MACROD2: variants seen among roughly 807,000 people sequenced by gnomAD.
The protein encoded by MACROD2 is ADP-ribose glycohydrolase MACROD2.
In MACROD2, 36 loss-of-function variants were observed where a neutral mutation model predicts 70.4. The ratio of observed to expected loss-of-function variants is 0.51; its 90% CI spans 0.39 to 0.68. The LOEUF (loss-of-function observed/expected upper bound fraction) is 0.68, where lower values mean the gene tolerates loss of function less well. Ranked by LOEUF, MACROD2 falls within the 30% of genes least tolerant of loss-of-function variation. The pLI is 0.00. For missense variants in MACROD2, 496 were observed against 538.4 expected (o/e 0.92, Z 0.78); for synonymous variants, 172 against 178.8 (o/e 0.96, Z 0.30).
chr20:14,826,993 TG>T (rs1381036426), intron 5 of MACROD2, among the ~76,000 whole-genome samples: 1 of 152,216 alleles, frequency 6.6e-6, no homozygotes, highest in East Asian at 1.9e-4. Context: ...TAAAATAGTA[TG>T]AGAGCTCGGA....
At chr20:14,805,160 T>C (rs1423026730) in intron 5 of MACROD2, among the ~76,000 whole-genome samples, 1 of 151,960 alleles carries the variant, frequency 6.6e-6, no homozygotes, top group East Asian at 1.9e-4. Context: ...CCCAAGAAAA[T>C]CCTACCTCCT....
At chr20:15,474,003 C>T (rs2046991279) in intron 7 of MACROD2, among the ~76,000 whole-genome samples, 1 of 152,198 alleles carries the variant, frequency 6.6e-6, no homozygotes, top group South Asian at 2.1e-4. Context: ...CCTGTTAGCT[C>T]TGTGAGTCTA....
chr20:14,567,176 T>C (rs2123308677), intron 4 of MACROD2, among the ~76,000 whole-genome samples: 1 of 152,130 alleles, frequency 6.6e-6, no homozygotes, highest in Non-Finnish European at 1.5e-5. Context: ...AAAGCATTAG[T>C]ACATAAATAT....
At chr20:14,766,352 G>A (rs917965507) in intron 5 of MACROD2, among the ~76,000 whole-genome samples, 6 of 152,038 alleles carry the variant, frequency 3.9e-5, no homozygotes, top group Non-Finnish European at 8.8e-5. Context: ...CTGGCACACG[G>A]TTTTGACTAT....
rs549968378 is a variant in MACROD2, at chr20:14,002,984, A to T, written c.163+580A>T. Among the ~76,000 whole-genome samples the T allele has an allele frequency of 2.6e-5, 4 of 152,358 alleles. No individual in the cohort carries two copies. In the South Asian group the frequency reaches 8.3e-4, roughly 32 times the overall value. On this transcript the variant is annotated intron_variant, in intron 2 of 17. Coordinates refer to ENST00000684519, the MANE Select transcript of MACROD2 (RefSeq NM_001351661.2). ...ATAAAGGAAGTTTTAAGGATTAAAA[A>T]GGTACGTGAAAAAGTTTCTAAAAAC...
intron 7 of MACROD2, among the ~76,000 whole-genome samples, chr20:15,435,902 C>A (rs118005359): frequency 0.016 from 2,368 of 152,226 alleles, 29 homozygotes; most frequent in South Asian, 0.032. Flanking sequence ...TGTCACCAGG[C>A]AAGTTTAGTC....
At chr20:15,389,268 G>C (rs1468517272) in intron 6 of MACROD2, among the ~76,000 whole-genome samples, 1 of 152,188 alleles carries the variant, frequency 6.6e-6, no homozygotes, top group East Asian at 1.9e-4. Flanking sequence ...TACTGAAGAA[G>C]AGAGAGAGGG....
At chr20:15,300,894 G>C (rs1429200396) in intron 6 of MACROD2, among the ~76,000 whole-genome samples, 1 of 152,178 alleles carries the variant, frequency 6.6e-6, no homozygotes, top group Non-Finnish European at 1.5e-5. Flanking sequence ...AGACCCGGAT[G>C]GAATGGGCTG....
At position 15,877,800 on chromosome 20, in the gene MACROD2, G is replaced by T. The variant is rs550138139; in HGVS notation, c.728-7964G>T. On this transcript the variant is annotated intron_variant, in intron 9 of 17. Coordinates refer to ENST00000684519, the MANE Select transcript of MACROD2 (RefSeq NM_001351661.2). The stretch of plus-strand genomic sequence containing the variant: ...ATGAGGAGTGCACAAGAAGCCTGTG[G>T]TAAGAAATTAAGCTCTAAGGAAGAG... Among the ~76,000 whole-genome samples the T allele has an allele frequency of 9.7e-4, 148 of 152,260 alleles. No individual in the cohort carries two copies. In the Middle Eastern group the frequency reaches 0.01, roughly 10 times the overall value.
intron 8 of MACROD2, among the ~76,000 whole-genome samples, chr20:15,729,253 G>T (rs1298457465): frequency 4.6e-5 from 7 of 152,128 alleles, no homozygotes; most frequent in Admixed American, 4.6e-4. Context: ...CCAAGAGTGT[G>T]TTTGGTATGA....
chr20:14,128,104 C>T (rs1402251764), intron 3 of MACROD2: 6 of 546,204 alleles, frequency 1.1e-5, no homozygotes, highest in African/African-American at 3.8e-5. Flanking sequence ...GTCATGTGTG[C>T]TTGTTCACCA....
At chr20:14,083,423 C>CA (rs35393551) in intron 2 of MACROD2, among the ~76,000 whole-genome samples, 54,074 of 137,524 alleles carry the variant, frequency 0.39, 12,025 homozygotes, top group Non-Finnish European at 0.52. Context: ...AACTCTGTCT[C>CA]AAAAAAAAAA....
chr20:14,400,637 G>A (rs2083627803), intron 3 of MACROD2, among the ~76,000 whole-genome samples: 1 of 152,144 alleles, frequency 6.6e-6, no homozygotes. Context: ...ACACTGTCAT[G>A]TGGAAAATGT....
At chr20:14,037,184 T>A (rs2053323757) in intron 2 of MACROD2, among the ~76,000 whole-genome samples, 1 of 152,168 alleles carries the variant, frequency 6.6e-6, no homozygotes, top group Non-Finnish European at 1.5e-5. Context: ...TTCTTTGTAT[T>A]GTTACACACT....
chr20:15,680,417 C>T (rs568674120), intron 8 of MACROD2, among the ~76,000 whole-genome samples: 8 of 152,244 alleles, frequency 5.3e-5, no homozygotes, highest in African/African-American at 1.9e-4. Context: ...TATGAAGTCC[C>T]TTTCCTCAAG....
intron 8 of MACROD2, among the ~76,000 whole-genome samples, chr20:15,572,216 T>C (rs1178284888): frequency 6.6e-6 from 1 of 152,120 alleles, no homozygotes; most frequent in Non-Finnish European, 1.5e-5. Context: ...GTATGTATCC[T>C]GGAAATGACA....
At chr20:15,098,239 G>A (rs1321963579) in intron 5 of MACROD2, among the ~76,000 whole-genome samples, 1 of 152,070 alleles carries the variant, frequency 6.6e-6, no homozygotes, top group Non-Finnish European at 1.5e-5. Flanking sequence ...TTGAACAAAG[G>A]GTCTCACATT....
At chr20:14,159,648 A>G (rs991997517) in intron 3 of MACROD2, among the ~76,000 whole-genome samples, 6 of 152,282 alleles carry the variant, frequency 3.9e-5, no homozygotes, top group Middle Eastern at 3.4e-3. Context: ...TTTTCTAGAT[A>G]TAAGATTATA....
At chr20:14,878,644 A>T (rs1449936768) in intron 5 of MACROD2, among the ~76,000 whole-genome samples, 1 of 152,176 alleles carries the variant, frequency 6.6e-6, no homozygotes, top group Middle Eastern at 3.2e-3. Context: ...AGTCAAAAGA[A>T]CATTTTCAAT....
Sources: allele counts gnomAD v4.1 joint callset (sites outside exome capture counted in the v4.1 genomes callset), GRCh38; gene constraint gnomAD v4.1.1; transcripts MANE v1.5; gene names NCBI Gene and HGNC (gene_info 2026-07-23, HGNC 2026-07-21).